The following CSMD3 variants were observed in gnomAD, a reference collection of about 807,000 sequenced individuals.
CSMD3 encodes CUB and Sushi multiple domains 3.
Under a neutral mutation model 435.2 loss-of-function variants are expected in CSMD3, and 177 were observed. The observed-to-expected ratio is 0.41, with a 90% CI of 0.36 to 0.46. The LOEUF (loss-of-function observed/expected upper bound fraction) is 0.46. Ranked by LOEUF, CSMD3 falls within the 20% of genes least tolerant of loss-of-function variation. The probability of loss-of-function intolerance (pLI) is 0.34; values close to 1 mark genes in which losing one functional copy is unlikely to be tolerated. For synonymous variants in CSMD3, 1,656 were observed against 1,520.5 expected, an observed-to-expected ratio of 1.09 and a Z score of -2.07; for missense variants, 4,265 against 4,504.6, an observed-to-expected ratio of 0.95 and a Z score of 1.52.
chr8:112,263,839 C>A (rs759019563), intron 60 of CSMD3, 27 bp from the exon 61 acceptor site: 1 of 1,594,718 alleles, frequency 6.3e-7, no homozygotes, highest in Admixed American at 1.7e-5. Context: ...AGTGATTAGA[C>A]ACAGCTGTTG....
Position 112,247,115 on chromosome 8 carries a change from T to C in CSMD3, c.10127A>G (p.Gln3376Arg), listed in dbSNP as rs1814811128. The change falls in exon 64 of 71, where the codon CAG (glutamine) becomes CGG (arginine). Residue 3376 changes from glutamine (Q) to arginine (R), a missense_variant. Transcript: ENST00000297405. ...AAGGTGTCCTTTTTTGCAATGGAAC[T>C]GTACAACACTTCCTACCTATAGCAA... The part of the protein sequence containing the change: ...TFGFQVGSVV[Q>R]FHCKKGHLLQ... 6.2e-7 allele frequency: 1 copy of C among 1,611,648 alleles called. No homozygotes were observed.
Position 112,224,950 on chromosome 8 carries a change from T to C in CSMD3, c.10965-20A>G. On this transcript the variant is annotated intron_variant, in intron 70 of 70. Coordinates refer to ENST00000297405, the MANE Select transcript of CSMD3 (RefSeq NM_198123.2). ...GCAGTCCTGTTGATGAGAACATTGA[T>C]TAGCTATGTGTTAACTTTCTTCCAG... 6.2e-7 allele frequency: 1 copy of C among 1,612,360 alleles called. No individual in the cohort carries two copies. Among genetic ancestry groups the C allele is most frequent in the African/African-American group, 1.3e-5 (1 of 75,012 alleles).
chr8:112,695,910 A>C (rs567804154), intron 13 of CSMD3, among the ~76,000 whole-genome samples: 1 of 152,316 alleles, frequency 6.6e-6, no homozygotes, highest in African/African-American at 2.4e-5. Flanking sequence ...CAATGTGCAA[A>C]AATCACAAGC....
chr8:113,224,806 T>A (rs988292669), intron 3 of CSMD3, among the ~76,000 whole-genome samples: 13 of 149,860 alleles, frequency 8.7e-5, no homozygotes, highest in South Asian at 4.2e-4. Context: ...TTTTTTTTTT[T>A]AATTTTTCTC....
At chr8:112,907,930 C>T (rs1166276781) in intron 10 of CSMD3, among the ~76,000 whole-genome samples, 1 of 151,340 alleles carries the variant, frequency 6.6e-6, no homozygotes, top group Non-Finnish European at 1.5e-5. Flanking sequence ...TGAAACAACA[C>T]AGCCCACACC....
At chr8:112,781,960 CT>C (rs1175912648) in intron 13 of CSMD3, among the ~76,000 whole-genome samples, 1 of 152,092 alleles carries the variant, frequency 6.6e-6, no homozygotes, top group African/African-American at 2.4e-5. Flanking sequence ...GGAAAGTCTT[CT>C]CAAGAAGGAC....
intron 23 of CSMD3, among the ~76,000 whole-genome samples, chr8:112,576,640 C>G (rs1829964717): frequency 6.6e-6 from 1 of 151,902 alleles, no homozygotes; most frequent in African/African-American, 2.4e-5. Context: ...AGGTGACCCT[C>G]CCATCTCAGA....
intron 13 of CSMD3, among the ~76,000 whole-genome samples, chr8:112,734,048 G>A (rs1422824950): frequency 6.6e-6 from 1 of 151,836 alleles, no homozygotes; most frequent in Non-Finnish European, 1.5e-5. Context: ...CAAATCCCTG[G>A]AAGGAGTTAG....
chr8:113,193,356 C>T (rs1331451312), intron 3 of CSMD3, among the ~76,000 whole-genome samples: 1 of 151,264 alleles, frequency 6.6e-6, no homozygotes. Flanking sequence ...AAGCAATCTT[C>T]CTGCTTTAAG....
chr8:113,168,824 T>C (rs1052585294), intron 4 of CSMD3, among the ~76,000 whole-genome samples: 7 of 152,118 alleles, frequency 4.6e-5, no homozygotes, highest in Non-Finnish European at 1.0e-4. Flanking sequence ...ATTTCTGATA[T>C]CACATTTCAG....
intron 16 of CSMD3, among the ~76,000 whole-genome samples, chr8:112,677,919 G>GGATT (rs998415881): frequency 3.3e-5 from 5 of 152,186 alleles, no homozygotes; most frequent in Middle Eastern, 3.4e-3. Context: ...CTAGCACAAT[G>GGATT]GATTGATTGT....
intron 22 of CSMD3, among the ~76,000 whole-genome samples, chr8:112,593,415 G>A (rs564684311): frequency 6.6e-6 from 1 of 152,194 alleles, no homozygotes; most frequent in Non-Finnish European, 1.5e-5. Context: ...CAAGTTCGAT[G>A]TGGGGGCATG....
At chr8:112,886,699 G>T (rs1278815772) in intron 10 of CSMD3, among the ~76,000 whole-genome samples, 1 of 151,344 alleles carries the variant, frequency 6.6e-6, no homozygotes, top group Non-Finnish European at 1.5e-5. Flanking sequence ...TATTCTTGGA[G>T]AACTGGTGCC....
intron 2 of CSMD3, among the ~76,000 whole-genome samples, chr8:113,295,733 T>A (rs1338783095): frequency 6.6e-6 from 1 of 152,094 alleles, no homozygotes; most frequent in African/African-American, 2.4e-5. Context: ...TGGTCTCAGA[T>A]TGTGGCAATT....
chr8:112,893,209 A>C (rs113617440), intron 10 of CSMD3, among the ~76,000 whole-genome samples: 7 of 151,478 alleles, frequency 4.6e-5, no homozygotes, highest in African/African-American at 9.7e-5. Context: ...CTCTCACAAC[A>C]ACCTGTGGCA....
chr8:112,861,068 C>T (rs191718578), intron 10 of CSMD3, among the ~76,000 whole-genome samples: 1 of 151,938 alleles, frequency 6.6e-6, no homozygotes, highest in African/African-American at 2.4e-5. Flanking sequence ...TATCCAGATC[C>T]TCGCCTTGCA....
At position 112,937,335 on chromosome 8, in the gene CSMD3, T is replaced by G. The variant is rs1224387955; in HGVS notation, c.1508+10455A>C. Among the ~76,000 whole-genome samples the G allele has an allele frequency of 2.7e-5, 4 of 150,200 alleles. No homozygotes were observed. The Admixed American group carries it at 2.7e-4, about 10-fold the overall frequency. On this transcript the variant is annotated intron_variant, in intron 9 of 70. Transcript: ENST00000297405. The stretch of plus-strand genomic sequence containing the variant: ...TTATGCTTTTATTACTCTTTGTTTT[T>G]GGACCTAGGTAATAATGTTTTTTTT...
chr8:112,534,199 C>G (rs999635987), intron 27 of CSMD3, among the ~76,000 whole-genome samples: 57 of 152,066 alleles, frequency 3.7e-4, no homozygotes, highest in African/African-American at 1.3e-3. Context: ...GAAATAGAGA[C>G]ACAAAAAAGT....
chr8:113,091,721 T>TA lies in CSMD3; in HGVS notation c.917+7034_917+7035insT, dbSNP rs1425027938. Among the ~76,000 whole-genome samples, 4 of 78,044 alleles carry TA rather than the reference T, an allele frequency of 5.1e-5. No individual in the cohort carries two copies. In the East Asian group the frequency reaches 8.6e-3, roughly 167 times the overall value. The allele number at this position is 78,044 out of a possible 152,430, so 51.2% of individuals were successfully genotyped here. The stretch of plus-strand genomic sequence containing the variant: ...ACTTTGCCAATTTTGTTTAATCTTT[T>TA]CAAAAAAACAACTTTTTGTTTTACT... On this transcript the variant is annotated intron_variant, in intron 5 of 70. Coordinates refer to ENST00000297405, the MANE Select transcript of CSMD3 (RefSeq NM_198123.2).
Sources: allele counts gnomAD v4.1 joint callset (sites outside exome capture counted in the v4.1 genomes callset), GRCh38; gene constraint gnomAD v4.1.1; transcripts MANE v1.5; gene names NCBI Gene and HGNC (gene_info 2026-07-23, HGNC 2026-07-21).